The following VWA8 variants were observed in gnomAD, a reference collection of about 807,000 sequenced individuals.
VWA8 encodes the protein von Willebrand factor A domain-containing protein 8.
A neutral mutation model predicts 241.5 loss-of-function variants in VWA8; 221 were observed. That is an observed-to-expected ratio of 0.91 (90% CI 0.82 to 1.02). VWA8 has a LOEUF of 1.02. Ranked by LOEUF, VWA8 falls within the 50% of genes least tolerant of loss-of-function variation. VWA8 has a pLI of 0.00. For missense variants in VWA8, 2,322 were observed against 2,328.7 expected, an observed-to-expected ratio of 1.00 and a Z score of 0.06; for synonymous variants, 852 against 827.1, an observed-to-expected ratio of 1.03 and a Z score of -0.52.
At chr13:41,854,431 A>G (rs1272109131) in intron 12 of VWA8, among the ~76,000 whole-genome samples, 1 of 147,508 alleles carries the variant, frequency 6.8e-6, no homozygotes, top group Non-Finnish European at 1.5e-5. Flanking sequence ...ATGGTGCATA[A>G]GTTTTAAAAA....
intron 9 of VWA8, among the ~76,000 whole-genome samples, chr13:41,869,617 C>A (rs965954716): frequency 1.0e-5 from 1 of 97,158 alleles, no homozygotes; most frequent in East Asian, 3.1e-4. Flanking sequence ...GGCAACAGAG[C>A]GAAAACTTTG....
intron 37 of VWA8, among the ~76,000 whole-genome samples, chr13:41,643,234 T>A (rs1168210382): frequency 6.6e-6 from 1 of 152,198 alleles, no homozygotes; most frequent in Non-Finnish European, 1.5e-5. Context: ...AGTAACTGGG[T>A]CCCAATTTGG....
intron 37 of VWA8, among the ~76,000 whole-genome samples, chr13:41,646,234 G>A (rs1404473808): frequency 2.6e-5 from 4 of 152,064 alleles, no homozygotes; most frequent in Non-Finnish European, 5.9e-5. Flanking sequence ...CCAAAGTGCT[G>A]GGATTACAGG....
At position 41,844,522 on chromosome 13, in the gene VWA8, A is replaced by G. The variant is rs544598572; in HGVS notation, c.1426-10991T>C. ...CAGGCAAGACAAAGAAATAAAAGGCATCCAAATAGGAAGATAGGAAATCAA... is the reference window on the plus strand; with the variant it reads ...CAGGCAAGACAAAGAAATAAAAGGCGTCCAAATAGGAAGATAGGAAATCAA... On this transcript the variant is annotated intron_variant, in intron 12 of 44. Coordinates refer to ENST00000379310, the MANE Select transcript of VWA8 (RefSeq NM_015058.2). 1.7e-3 allele frequency among the ~76,000 whole-genome samples: 260 copies of G among 152,318 alleles called. 2 individuals carry two copies. Among genetic ancestry groups the G allele is most frequent in the African/African-American group, 5.7e-3 (239 of 41,576 alleles).
intron 15 of VWA8, among the ~76,000 whole-genome samples, chr13:41,817,694 TA>T (rs1870758916): frequency 6.6e-6 from 1 of 152,208 alleles, no homozygotes; most frequent in Non-Finnish European, 1.5e-5. Flanking sequence ...AGCTAATAAG[TA>T]GTGGATTTCA....
At position 41,605,262 on chromosome 13, in the gene VWA8, T is replaced by C; in HGVS notation, c.4892A>G (p.Gln1631Arg). Reference sequence around the variant, plus strand: ...GGTTGCAGCATCGTATTCACTCATTTGGATCTCCTTTAGCCTGAAATCAGA... The same window carrying C: ...GGTTGCAGCATCGTATTCACTCATTCGGATCTCCTTTAGCCTGAAATCAGA... ...RAFQQRLKEI[Q>R]MSEYDAATYE... The change falls in exon 40 of 45, where the codon CAA (glutamine) becomes CGA (arginine). Residue 1631 changes from glutamine to arginine, a missense_variant. Coordinates refer to ENST00000379310, the MANE Select transcript of VWA8 (RefSeq NM_015058.2). The C allele has an allele frequency of 2.5e-6, 4 of 1,612,974 alleles. No individual in the cohort carries two copies. The highest frequency in any genetic ancestry group is 3.4e-6 in the Non-Finnish European group (4 of 1,179,226).
At chr13:41,637,698 C>G (rs979118792) in intron 37 of VWA8, among the ~76,000 whole-genome samples, 1 of 152,066 alleles carries the variant, frequency 6.6e-6, no homozygotes, top group Non-Finnish European at 1.5e-5. Flanking sequence ...ATTAACAATC[C>G]AACTCAATCT....
intron 10 of VWA8, among the ~76,000 whole-genome samples, chr13:41,867,940 T>G (rs1016862581): frequency 1.6e-4 from 24 of 152,150 alleles, no homozygotes; most frequent in African/African-American, 5.6e-4. Flanking sequence ...TGACCAAATA[T>G]TATTTCCCTC....
chr13:41,847,754 T>G (rs1350815454), intron 12 of VWA8, among the ~76,000 whole-genome samples: 1 of 152,208 alleles, frequency 6.6e-6, no homozygotes, highest in East Asian at 1.9e-4. Flanking sequence ...GTGTCTTTAT[T>G]TTATTCTAAG....
intron 12 of VWA8, among the ~76,000 whole-genome samples, chr13:41,858,840 A>T (rs1872875631): frequency 6.6e-6 from 1 of 152,142 alleles, no homozygotes. Flanking sequence ...AAAAAAAAAT[A>T]CTAAGAAGAC....
chr13:41,785,789 A>G (rs539452285), intron 18 of VWA8, among the ~76,000 whole-genome samples: 8 of 152,198 alleles, frequency 5.3e-5, no homozygotes, highest in African/African-American at 1.7e-4. Context: ...TCTGAAATAG[A>G]CCCAGTATAA....
intron 43 of VWA8, among the ~76,000 whole-genome samples, chr13:41,572,346 T>G (rs1478373720): frequency 1.3e-5 from 2 of 152,210 alleles, no homozygotes; most frequent in East Asian, 3.9e-4. Context: ...GATGGCGGCT[T>G]TGTCGAATAG....
intron 9 of VWA8, among the ~76,000 whole-genome samples, chr13:41,881,156 G>T (rs1047550658): frequency 6.6e-6 from 1 of 151,758 alleles, no homozygotes; most frequent in Non-Finnish European, 1.5e-5. Flanking sequence ...TGCTCAAATT[G>T]TCCCAGATTT....
At chr13:41,731,295 T>G (rs375084863) in intron 22 of VWA8, among the ~76,000 whole-genome samples, 6 of 152,198 alleles carry the variant, frequency 3.9e-5, no homozygotes, top group African/African-American at 1.4e-4. Context: ...GGCTGAGATT[T>G]CTTTAGGTCT....
At chr13:41,955,896 T>C (rs1016103197) in intron 1 of VWA8, 4 of 152,164 alleles carry the variant, frequency 2.6e-5, no homozygotes, top group African/African-American at 9.7e-5. Context: ...AAACACTGAG[T>C]TATAGCCAAG....
chr13:41,643,862 C>T (rs1391200028), intron 37 of VWA8, among the ~76,000 whole-genome samples: 2 of 144,674 alleles, frequency 1.4e-5, no homozygotes, highest in African/African-American at 2.6e-5. Context: ...GTGGGAGAGC[C>T]TTTTTCTAAT....
intron 24 of VWA8, among the ~76,000 whole-genome samples, chr13:41,724,244 G>A (rs1459138857): frequency 6.6e-6 from 1 of 152,146 alleles, no homozygotes; most frequent in African/African-American, 2.4e-5. Flanking sequence ...AAGTGAGGAT[G>A]GTACAGAAGA....
chr13:41,723,708 A>T (rs2045410304), intron 24 of VWA8, among the ~76,000 whole-genome samples: 1 of 152,192 alleles, frequency 6.6e-6, no homozygotes, highest in Non-Finnish European at 1.5e-5. Flanking sequence ...TTTACAAAAG[A>T]CTATAAATTA....
At chr13:41,718,974 A>T (rs2045364462) in intron 26 of VWA8, among the ~76,000 whole-genome samples, 1 of 151,926 alleles carries the variant, frequency 6.6e-6, no homozygotes. Flanking sequence ...TAATTACTCT[A>T]CTAAAAAACT....
Sources: allele counts gnomAD v4.1 joint callset (sites outside exome capture counted in the v4.1 genomes callset), GRCh38; gene constraint gnomAD v4.1.1; transcripts MANE v1.5; gene names NCBI Gene and HGNC (gene_info 2026-07-23, HGNC 2026-07-21).